KALRN: variants seen among roughly 807,000 people sequenced by gnomAD.
KALRN encodes kalirin.
KALRN carries 70 observed loss-of-function variants against 353.7 expected under a neutral mutation model. The ratio of observed to expected loss-of-function variants is 0.20; its 90% CI spans 0.16 to 0.24. KALRN has a LOEUF of 0.24. KALRN is among the 10% of genes least tolerant of loss of function. The pLI, the probability that KALRN is intolerant of heterozygous loss-of-function variation, is 1.00. For synonymous variants in KALRN, 1,391 were observed against 1,434.8 expected, an observed-to-expected ratio of 0.97 and a Z score of 0.69; for missense variants, 2,791 against 3,756.7, an observed-to-expected ratio of 0.74 and a Z score of 6.72.
chr3:124,684,267 C>T (rs1351139886), intron 51 of KALRN, among the ~76,000 whole-genome samples: 6 of 152,094 alleles, frequency 3.9e-5, no homozygotes, highest in South Asian at 4.1e-4. Context: ...CACCATCCTG[C>T]GGCCACTTGG....
At chr3:124,650,992 A>G (rs1463005192) in intron 38 of KALRN, 54 bp downstream of exon 38, 1 of 1,602,796 alleles carries the variant, frequency 6.2e-7, no homozygotes, top group Non-Finnish European at 8.5e-7. Flanking sequence ...GCGGTGGACA[A>G]TGGACAAAGG....
intron 34 of KALRN, among the ~76,000 whole-genome samples, chr3:124,579,440 G>A (rs1164857610): frequency 2.0e-5 from 3 of 152,218 alleles, no homozygotes; most frequent in Non-Finnish European, 1.5e-5. Context: ...TGAAAAGTAA[G>A]ACTACTTTAA....
chr3:124,337,885 A>C (rs1432883939), intron 9 of KALRN, among the ~76,000 whole-genome samples: 2 of 152,154 alleles, frequency 1.3e-5, no homozygotes, highest in Non-Finnish European at 2.9e-5. Context: ...GTGCCCAGGA[A>C]TTTATCCATT....
intron 1 of KALRN, among the ~76,000 whole-genome samples, chr3:124,091,546 A>G (rs118057039): frequency 0.011 from 1,721 of 152,282 alleles, 79 homozygotes; most frequent in Admixed American, 0.082. Context: ...AGAGGGAGAA[A>G]GAACAGTGCC....
At chr3:124,405,638 GTTT>G (rs71145451) in intron 13 of KALRN, among the ~76,000 whole-genome samples, 215 of 83,858 alleles carry the variant, frequency 2.6e-3, no homozygotes, top group Middle Eastern at 8.3e-3. Context: ...GGACCTCAGG[GTTT>G]TTTTTTTTTT....
At chr3:124,247,708 A>G (rs1045487330) in intron 3 of KALRN, among the ~76,000 whole-genome samples, 2 of 152,166 alleles carry the variant, frequency 1.3e-5, no homozygotes, top group Non-Finnish European at 2.9e-5. Flanking sequence ...CATTGAAGAT[A>G]ATTTGTCTTT....
At chr3:124,584,888 T>A in intron 34 of KALRN, 1 of 1,605,056 alleles carries the variant, frequency 6.2e-7, no homozygotes, top group Middle Eastern at 1.7e-4. Context: ...TAAGTGCTGC[T>A]GTTGCTTCCC....
At chr3:124,453,754 G>A (rs1560991142) in intron 21 of KALRN, among the ~76,000 whole-genome samples, 1 of 152,308 alleles carries the variant, frequency 6.6e-6, no homozygotes, top group South Asian at 2.1e-4. Flanking sequence ...ATAAGCAGCA[G>A]TCTGCTTGTT....
chr3:124,338,485 A>C (rs1365802092), intron 9 of KALRN, among the ~76,000 whole-genome samples: 1 of 152,152 alleles, frequency 6.6e-6, no homozygotes, highest in Non-Finnish European at 1.5e-5. Context: ...ATTTGATTGG[A>C]CTGTTGTCTG....
intron 13 of KALRN, among the ~76,000 whole-genome samples, chr3:124,404,902 C>T (rs374443887): frequency 1.3e-5 from 2 of 152,018 alleles, no homozygotes; most frequent in African/African-American, 4.8e-5. Context: ...AAAAACCATT[C>T]GAGACTGCAA....
chr3:124,181,568 A>G (rs1011209968), intron 1 of KALRN, among the ~76,000 whole-genome samples: 1 of 152,102 alleles, frequency 6.6e-6, no homozygotes, highest in African/African-American at 2.4e-5. Context: ...CTTTTTCCTG[A>G]TGCAGGTGTA....
At chr3:124,559,228 C>T (rs908959098) in intron 33 of KALRN, among the ~76,000 whole-genome samples, 1 of 152,054 alleles carries the variant, frequency 6.6e-6, no homozygotes, top group African/African-American at 2.4e-5. Context: ...GGAAGCATTG[C>T]GGAGGGTGAA....
At chr3:124,526,362 C>T (rs1265631186) in intron 33 of KALRN, among the ~76,000 whole-genome samples, 1 of 152,114 alleles carries the variant, frequency 6.6e-6, no homozygotes, top group Non-Finnish European at 1.5e-5. Flanking sequence ...CACTTGAGCC[C>T]AGGAGTTCGA....
chr3:124,666,528 G>C lies in KALRN; in HGVS notation c.6425G>C (p.Arg2142Pro), dbSNP rs368791560. 1.9e-6 allele frequency: 3 copies of C among 1,613,834 alleles called. No homozygotes were observed. The highest frequency in any genetic ancestry group is 2.2e-5 in the East Asian group (1 of 44,892). ...VIELDAGMQS[R>P]TKERRVFLFE... ...GAGCTGGATGCAGGCATGCAGTCCC[G>C]GACCAAAGAGAGGCGCGTGTTCCTC... The change falls in exon 46 of 60, where the codon CGG becomes CCG. Residue 2142 changes from arginine to proline, a missense_variant. Coordinates refer to ENST00000682506, the MANE Select transcript of KALRN (RefSeq NM_001388419.1).
chr3:124,684,509 T>C (rs2061473780), intron 51 of KALRN, among the ~76,000 whole-genome samples: 1 of 152,204 alleles, frequency 6.6e-6, no homozygotes, highest in Non-Finnish European at 1.5e-5. Context: ...ACCTGGATTC[T>C]AGTTTGGATA....
At chr3:124,161,700 C>T (rs972415188) in intron 1 of KALRN, among the ~76,000 whole-genome samples, 2 of 152,218 alleles carry the variant, frequency 1.3e-5, no homozygotes, top group African/African-American at 4.8e-5. Context: ...GCATATCTCC[C>T]AGATCATTCA....
chr3:124,331,166 T>C (rs908120827), intron 8 of KALRN, among the ~76,000 whole-genome samples: 3 of 152,296 alleles, frequency 2.0e-5, no homozygotes. Flanking sequence ...ATAAAGGTAA[T>C]GCATGACAAT....
intron 2 of KALRN, among the ~76,000 whole-genome samples, chr3:124,234,296 T>C (rs1550753): frequency 0.14 from 20,933 of 152,078 alleles, 2,693 homozygotes; most frequent in East Asian, 0.64. Flanking sequence ...ACTTAATGTT[T>C]TTTCTATGAA....
intron 34 of KALRN, among the ~76,000 whole-genome samples, chr3:124,609,128 A>G (rs527475090): frequency 1.1e-4 from 16 of 152,226 alleles, no homozygotes; most frequent in Admixed American, 6.5e-5. Flanking sequence ...ACAGCTACAC[A>G]AAGATTTGGG....
Sources: gnomAD v4.1 joint callset for allele counts (sites outside exome capture counted in the v4.1 genomes callset) on GRCh38, gnomAD v4.1.1 for gene constraint, MANE v1.5 for transcripts, NCBI Gene and HGNC (gene_info 2026-07-23, HGNC 2026-07-21) for gene names.